The following RSRC1 variants were observed in gnomAD, a reference collection of about 807,000 sequenced individuals.
The protein encoded by RSRC1 is serine/Arginine-related protein 53.
RSRC1 carries 39 observed loss-of-function variants against 49.1 expected under a neutral mutation model. The observed-to-expected ratio is 0.79, with a 90% CI of 0.61 to 1.04. The LOEUF (loss-of-function observed/expected upper bound fraction) is 1.04. Ranked by LOEUF, RSRC1 falls within the 50% of genes least tolerant of loss-of-function variation. RSRC1 has a pLI of 0.00. For synonymous variants in RSRC1, 143 were observed against 130.8 expected, an observed-to-expected ratio of 1.09 and a Z score of -0.63; for missense variants, 388 against 402.4, an observed-to-expected ratio of 0.96 and a Z score of 0.31.
At chr3:158,387,438 T>G (rs540585306) in intron 6 of RSRC1, among the ~76,000 whole-genome samples, 66 of 152,198 alleles carry the variant, frequency 4.3e-4, no homozygotes, top group African/African-American at 1.4e-3. Context: ...CAAATAATAG[T>G]GGTAACATTT....
At chr3:158,118,261 T>A (rs1246371945) in intron 1 of RSRC1, among the ~76,000 whole-genome samples, 1 of 152,072 alleles carries the variant, frequency 6.6e-6, no homozygotes, top group African/African-American at 2.4e-5. Context: ...TAATTTTAAA[T>A]TTTTTTAGAG....
intron 3 of RSRC1, among the ~76,000 whole-genome samples, chr3:158,177,641 C>G (rs1020914096): frequency 6.6e-6 from 1 of 150,888 alleles, no homozygotes; most frequent in African/African-American, 2.4e-5. Flanking sequence ...CAGGGCCTGT[C>G]AGAGTGTGGG....
chr3:158,434,870 T>C (rs1578473827), intron 6 of RSRC1, among the ~76,000 whole-genome samples: 1 of 152,102 alleles, frequency 6.6e-6, no homozygotes, highest in East Asian at 1.9e-4. Flanking sequence ...AAGTTTTTAA[T>C]TATGCTCTTC....
chr3:158,225,716 T>A lies in RSRC1; in HGVS notation c.494+22471T>A, dbSNP rs1292093476. ...CTTACATCTAACAGGAAGAGAAAAG[T>A]TTTAGGAAGACCAAATTGTGAGTAA... On this transcript the variant is annotated intron_variant, in intron 4 of 9. Transcript: ENST00000611884. The A allele has an allele frequency of 1.8e-5, 8 of 452,364 alleles. No individual in the cohort carries two copies. In the East Asian group the frequency reaches 5.6e-4, roughly 32 times the overall value. The allele number at this position is 452,364 out of a possible 1,614,324, so 28.0% of individuals were successfully genotyped here. A position where few individuals can be genotyped will look rare whatever the true frequency, so the allele number is the denominator to read the frequency against.
intron 3 of RSRC1, among the ~76,000 whole-genome samples, chr3:158,145,486 G>T (rs1436076412): frequency 6.6e-5 from 10 of 152,058 alleles, no homozygotes; most frequent in African/African-American, 9.7e-5. Context: ...GTTCCATTGG[G>T]CTATATCTCT....
At chr3:158,296,449 G>T (rs1727244663) in intron 4 of RSRC1, among the ~76,000 whole-genome samples, 1 of 151,750 alleles carries the variant, frequency 6.6e-6, no homozygotes, top group Non-Finnish European at 1.5e-5. Flanking sequence ...GTGTGTGTGT[G>T]CATGCATGTG....
At chr3:158,463,148 G>A (rs1312112387) in intron 7 of RSRC1, among the ~76,000 whole-genome samples, 1 of 151,978 alleles carries the variant, frequency 6.6e-6, no homozygotes, top group African/African-American at 2.4e-5. Flanking sequence ...ACCCAACTTT[G>A]TTAAGGGCTT....
At chr3:158,146,374 C>A (rs141608169) in intron 3 of RSRC1, among the ~76,000 whole-genome samples, 5,712 of 152,190 alleles carry the variant, frequency 0.038, 361 homozygotes, top group African/African-American at 0.13. Flanking sequence ...TTTTCTGCAT[C>A]TATTGAGATA....
At chr3:158,387,939 G>A (rs559238633) in intron 6 of RSRC1, among the ~76,000 whole-genome samples, 1 of 152,154 alleles carries the variant, frequency 6.6e-6, no homozygotes, top group Non-Finnish European at 1.5e-5. Flanking sequence ...AAATAGACAT[G>A]GTGATAACAA....
intron 6 of RSRC1, among the ~76,000 whole-genome samples, chr3:158,383,398 A>G (rs774667637): frequency 7.9e-5 from 12 of 152,084 alleles, no homozygotes; most frequent in Non-Finnish European, 1.8e-4. Context: ...ATCTGCAGGG[A>G]GTCTTGGAAT....
At chr3:158,382,930 T>C (rs1732777475) in intron 6 of RSRC1, among the ~76,000 whole-genome samples, 1 of 152,204 alleles carries the variant, frequency 6.6e-6, no homozygotes, top group African/African-American at 2.4e-5. Context: ...TCTGATACCA[T>C]TTGTTAAATA....
chr3:158,391,045 A>T (rs1733255659), intron 6 of RSRC1, among the ~76,000 whole-genome samples: 1 of 152,270 alleles, frequency 6.6e-6, no homozygotes, highest in Non-Finnish European at 1.5e-5. Flanking sequence ...GAGCTACAAT[A>T]AAAGTTAAAG....
intron 7 of RSRC1, among the ~76,000 whole-genome samples, chr3:158,531,920 C>G (rs1712420861): frequency 6.6e-6 from 1 of 151,714 alleles, no homozygotes; most frequent in Admixed American, 6.6e-5. Context: ...CCAGCTTTAC[C>G]ATACAAACAT....
At chr3:158,240,185 T>C (rs1260363018) in intron 4 of RSRC1, among the ~76,000 whole-genome samples, 1 of 152,152 alleles carries the variant, frequency 6.6e-6, no homozygotes, top group Non-Finnish European at 1.5e-5. Flanking sequence ...ACAGTTATTA[T>C]TTTTTATCAC....
intron 4 of RSRC1, among the ~76,000 whole-genome samples, chr3:158,265,011 G>C (rs1725091359): frequency 6.6e-6 from 1 of 152,088 alleles, no homozygotes; most frequent in African/African-American, 2.4e-5. Flanking sequence ...CTGCTCTCTG[G>C]TCTGCCATAC....
At chr3:158,531,260 G>T (rs540810838) in intron 7 of RSRC1, among the ~76,000 whole-genome samples, 17 of 151,894 alleles carry the variant, frequency 1.1e-4, no homozygotes, top group African/African-American at 4.1e-4. Flanking sequence ...GCAAGGTGTG[G>T]CATCATCACA....
At chr3:158,188,082 G>A (rs1418613438) in intron 3 of RSRC1, among the ~76,000 whole-genome samples, 1 of 151,800 alleles carries the variant, frequency 6.6e-6, no homozygotes, top group Non-Finnish European at 1.5e-5. Context: ...GTTAGGATGG[G>A]TCTAGGATAC....
intron 5 of RSRC1, among the ~76,000 whole-genome samples, chr3:158,313,819 G>A (rs560050426): frequency 1.3e-5 from 2 of 152,156 alleles, no homozygotes; most frequent in South Asian, 2.1e-4. Context: ...TGTATTATTC[G>A]ATAGAAAAAG....
intron 7 of RSRC1, among the ~76,000 whole-genome samples, chr3:158,516,957 G>A (rs888346081): frequency 7.2e-5 from 11 of 152,132 alleles, no homozygotes; most frequent in African/African-American, 1.9e-4. Context: ...GCTTTGGCTC[G>A]TGCACGGTGC....
Sources: allele counts gnomAD v4.1 joint callset (sites outside exome capture counted in the v4.1 genomes callset), GRCh38; gene constraint gnomAD v4.1.1; transcripts MANE v1.5; gene names NCBI Gene and HGNC (gene_info 2026-07-23, HGNC 2026-07-21).